IL1RAPL1: variants seen among roughly 807,000 people sequenced by gnomAD.
IL1RAPL1 encodes interleukin-1 receptor accessory protein-like 1.
Under a neutral mutation model 48.4 loss-of-function variants are expected in IL1RAPL1, and 3 were observed. That is an observed-to-expected ratio of 0.06 (90% confidence interval 0.03 to 0.16). IL1RAPL1 has a LOEUF of 0.16. Ranked by LOEUF, IL1RAPL1 falls within the 10% of genes least tolerant of loss-of-function variation. IL1RAPL1 has a pLI of 1.00. For missense variants in IL1RAPL1, 349 were observed against 530.6 expected (o/e 0.66, Z 3.36); for synonymous variants, 185 against 187.7 (o/e 0.99, Z 0.12).
chrX:29,398,543 G>T (rs1427190477), intron 4 of IL1RAPL1, among the ~76,000 whole-genome samples: 1 of 111,767 alleles, frequency 8.9e-6, no homozygotes, highest in African/African-American at 3.2e-5. Context: ...GAACTCTAAA[G>T]ACCTTGCATA....
intron 6 of IL1RAPL1, among the ~76,000 whole-genome samples, chrX:29,738,241 G>A (rs896534453): frequency 2.7e-5 from 3 of 109,791 alleles, no homozygotes; most frequent in Admixed American, 9.8e-5. Context: ...AAATACATTC[G>A]CTAACCCAGG....
At chrX:29,442,946 A>AG (rs1934565387) in intron 5 of IL1RAPL1, among the ~76,000 whole-genome samples, 1 of 72,539 alleles carries the variant, frequency 1.4e-5, no homozygotes, top group African/African-American at 5.0e-5. Context: ...ATAATAAAAT[A>AG]CCTAAAATAT....
chrX:29,090,189 A>C (rs1000454050), intron 2 of IL1RAPL1, among the ~76,000 whole-genome samples: 4 of 111,271 alleles, frequency 3.6e-5, no homozygotes, highest in Admixed American at 2.9e-4. Flanking sequence ...TTATCAGTAA[A>C]ATAGATGTTT....
chrX:28,968,512 T>C (rs1162979054), intron 2 of IL1RAPL1, among the ~76,000 whole-genome samples: 1 of 111,985 alleles, frequency 8.9e-6, no homozygotes, highest in Non-Finnish European at 1.9e-5. Context: ...ATAATAAGAT[T>C]GGCCTCACAA....
intron 1 of IL1RAPL1, among the ~76,000 whole-genome samples, chrX:28,703,872 T>C (rs1935330752): frequency 8.9e-6 from 1 of 111,821 alleles, no homozygotes; most frequent in South Asian, 3.7e-4. Flanking sequence ...ATTTTTATTT[T>C]TCCAGGACCT....
intron 3 of IL1RAPL1, among the ~76,000 whole-genome samples, chrX:29,321,091 ATAACT>A (rs1394426491): frequency 2.7e-5 from 3 of 111,880 alleles, no homozygotes; most frequent in Non-Finnish European, 5.6e-5. Flanking sequence ...AGTTTTCCAA[ATAACT>A]TAATGTGAAG....
intron 2 of IL1RAPL1, among the ~76,000 whole-genome samples, chrX:28,900,801 ACCTT>A (rs1923055160): frequency 9.0e-6 from 1 of 111,634 alleles, no homozygotes; most frequent in Non-Finnish European, 1.9e-5. Context: ...AACCAGCTTT[ACCTT>A]ATCTATTGAA....
chrX:28,878,910 G>A (rs758603857), intron 2 of IL1RAPL1, among the ~76,000 whole-genome samples: 20 of 111,312 alleles, frequency 1.8e-4, no homozygotes, highest in African/African-American at 6.5e-4. Flanking sequence ...CCAGTTTTAG[G>A]TGTTGAAATT....
At chrX:29,274,289 A>G (rs1268488619) in intron 2 of IL1RAPL1, among the ~76,000 whole-genome samples, 1 of 112,330 alleles carries the variant, frequency 8.9e-6, no homozygotes, top group Non-Finnish European at 1.9e-5. Context: ...ATGTAGATTA[A>G]TGCCCAAAAC....
chrX:29,248,654 T>G (rs1300598264), intron 2 of IL1RAPL1, among the ~76,000 whole-genome samples: 1 of 112,076 alleles, frequency 8.9e-6, no homozygotes, highest in African/African-American at 3.3e-5. Flanking sequence ...ACCCATCGGA[T>G]TAACAAAGTT....
intron 2 of IL1RAPL1, among the ~76,000 whole-genome samples, chrX:29,240,321 G>A (rs1187965883): frequency 2.2e-5 from 2 of 89,874 alleles, no homozygotes; most frequent in African/African-American, 4.4e-5. Flanking sequence ...TGCAACCTCT[G>A]TCTCCCAGGT....
intron 6 of IL1RAPL1, among the ~76,000 whole-genome samples, chrX:29,715,190 AT>A (rs2147122740): frequency 9.0e-6 from 1 of 111,642 alleles, no homozygotes; most frequent in African/African-American, 3.2e-5. Context: ...GTTTTGGGTT[AT>A]AACTCACAGC....
At chrX:29,134,789 T>C (rs756497979) in intron 2 of IL1RAPL1, among the ~76,000 whole-genome samples, 10 of 111,514 alleles carry the variant, frequency 9.0e-5, no homozygotes, top group Middle Eastern at 4.6e-3. Context: ...GTCTATTACC[T>C]ACTTTTTATA....
intron 6 of IL1RAPL1, among the ~76,000 whole-genome samples, chrX:29,809,126 T>C (rs1296625586): frequency 1.9e-5 from 2 of 106,429 alleles, no homozygotes; most frequent in Non-Finnish European, 3.9e-5. Flanking sequence ...GGATACAGTT[T>C]CTCTCTTGTC....
chrX:29,726,031 A>G (rs757667436), intron 6 of IL1RAPL1, among the ~76,000 whole-genome samples: 8 of 112,210 alleles, frequency 7.1e-5, no homozygotes, highest in Admixed American at 3.8e-4. Flanking sequence ...CAAGCAAGGA[A>G]ATTGTCACTG....
At chrX:28,838,767 G>A (rs1921290617) in intron 2 of IL1RAPL1, among the ~76,000 whole-genome samples, 1 of 109,912 alleles carries the variant, frequency 9.1e-6, no homozygotes, top group African/African-American at 3.3e-5. Context: ...GTTATAATCA[G>A]TATTTAATAA....
chrX:29,936,749 A>G (rs1371511187), intron 8 of IL1RAPL1, among the ~76,000 whole-genome samples: 2 of 111,847 alleles, frequency 1.8e-5, no homozygotes, highest in African/African-American at 6.5e-5. Context: ...TTGCAGCAAG[A>G]TCAGTGGAAA....
rs1328254767 is a variant in IL1RAPL1, at chrX:28,723,627, T to G, written c.-24-65693T>G. On this transcript the variant is annotated intron_variant, in intron 1 of 10. Coordinates refer to ENST00000378993, the MANE Select transcript of IL1RAPL1 (RefSeq NM_014271.4). Reference sequence around the variant, plus strand: ...GCTCTGATCTTAGTTATTTCTTGCCTTCTGCTAGCTCTTGAATGTGTTTGC... The same window carrying G: ...GCTCTGATCTTAGTTATTTCTTGCCGTCTGCTAGCTCTTGAATGTGTTTGC... 4.5e-5 allele frequency among the ~76,000 whole-genome samples: 5 copies of G among 111,789 alleles called. No homozygotes were observed. In the East Asian group the frequency reaches 1.4e-3, roughly 31 times the overall value.
chrX:29,530,898 T>C (rs1273577716), intron 5 of IL1RAPL1, among the ~76,000 whole-genome samples: 1 of 112,257 alleles, frequency 8.9e-6, no homozygotes, highest in East Asian at 2.8e-4. Context: ...GGATGAGTTA[T>C]TTGTTCGAAC....
Sources: gnomAD v4.1 joint callset for allele counts (sites outside exome capture counted in the v4.1 genomes callset) on GRCh38, gnomAD v4.1.1 for gene constraint, MANE v1.5 for transcripts, NCBI Gene and HGNC (gene_info 2026-07-23, HGNC 2026-07-21) for gene names.